The following DSCAM variants were observed in gnomAD, a reference collection of about 807,000 sequenced individuals.
DSCAM encodes DS cell adhesion molecule.
DSCAM carries 47 observed loss-of-function variants against 217.7 expected under a neutral mutation model. That is an observed-to-expected ratio of 0.22 (90% confidence interval 0.17 to 0.28). DSCAM has a LOEUF of 0.28. Among genes scored for constraint, DSCAM ranks in the 10% least tolerant of loss-of-function variants. The probability of loss-of-function intolerance (pLI) is 1.00; values close to 1 mark genes in which losing one functional copy is unlikely to be tolerated. For synonymous variants in DSCAM, 1,056 were observed against 1,015.3 expected, an observed-to-expected ratio of 1.04 and a Z score of -0.76; for missense variants, 2,080 against 2,618.3, an observed-to-expected ratio of 0.79 and a Z score of 4.49.
intron 3 of DSCAM, among the ~76,000 whole-genome samples, chr21:40,599,286 T>C (rs2077044942): frequency 6.6e-6 from 1 of 152,208 alleles, no homozygotes; most frequent in South Asian, 2.1e-4. Context: ...ACATGTACCA[T>C]GGTGGTTTGC....
chr21:40,452,931 T>C lies in DSCAM; in HGVS notation c.509-83686A>G, dbSNP rs138238113. ...AATTAGACATAATTAGGTAATTCCA[T>C]ATTAAGTTCAGAATGGCATTTAAAA... On this transcript the variant is annotated intron_variant, in intron 3 of 32. Coordinates refer to ENST00000400454, the MANE Select transcript of DSCAM (RefSeq NM_001389.5). Among the ~76,000 whole-genome samples, 482 of 152,276 alleles carry C rather than the reference T, an allele frequency of 3.2e-3. 1 individual carries two copies. Among genetic ancestry groups the C allele is most frequent in the Non-Finnish European group, 5.5e-3 (375 of 68,026 alleles).
At chr21:40,329,873 T>C (rs1440582568) in intron 8 of DSCAM, among the ~76,000 whole-genome samples, 3 of 151,988 alleles carry the variant, frequency 2.0e-5, no homozygotes, top group Non-Finnish European at 4.4e-5. Context: ...AGAATGGTGG[T>C]TCCCAAGGGC....
rs118122770 is a variant in DSCAM, at chr21:40,790,601, G to A, written c.43+56018C>T. 2.2e-3 allele frequency among the ~76,000 whole-genome samples: 335 copies of A among 152,248 alleles called. 10 individuals carry two copies. The East Asian group carries it at 0.059, about 27-fold the overall frequency. ...ATGGGATGAAGTTGTATAAATGATT[G>A]GTTGATTGACTTGTGGAGGGAGTAA... On this transcript the variant is annotated intron_variant, in intron 1 of 32. Coordinates refer to ENST00000400454, the MANE Select transcript of DSCAM (RefSeq NM_001389.5).
intron 32 of DSCAM, among the ~76,000 whole-genome samples, chr21:40,027,406 G>A (rs1049672815): frequency 1.3e-5 from 2 of 151,828 alleles, no homozygotes; most frequent in Non-Finnish European, 2.9e-5. Flanking sequence ...TGTATTTCCT[G>A]AATCTGAACT....
At chr21:40,436,306 T>C (rs1190119394) in intron 3 of DSCAM, among the ~76,000 whole-genome samples, 1 of 152,198 alleles carries the variant, frequency 6.6e-6, no homozygotes, top group African/African-American at 2.4e-5. Context: ...ATGGAAAAAT[T>C]TCCCCCTGAG....
intron 3 of DSCAM, among the ~76,000 whole-genome samples, chr21:40,544,739 A>T (rs1450656725): frequency 1.3e-5 from 2 of 152,158 alleles, no homozygotes; most frequent in African/African-American, 4.8e-5. Flanking sequence ...ATGTGTTATG[A>T]CAACCCTAGG....
intron 3 of DSCAM, among the ~76,000 whole-genome samples, chr21:40,510,602 A>G (rs941133260): frequency 6.6e-6 from 1 of 152,214 alleles, no homozygotes; most frequent in Non-Finnish European, 1.5e-5. Flanking sequence ...GAAGGCCTCT[A>G]TAAGAAAGTT....
chr21:40,622,197 T>C lies in DSCAM; in HGVS notation c.508+70613A>G, dbSNP rs568999639. On this transcript the variant is annotated intron_variant, in intron 3 of 32. Coordinates refer to ENST00000400454, the MANE Select transcript of DSCAM (RefSeq NM_001389.5). ...CCTCCTATTTTCTTACCCCTTGACC[T>C]TCACCTGACCCCTGAAGTCAACGTA... Among the ~76,000 whole-genome samples, 31 of 152,206 alleles carry C rather than the reference T, an allele frequency of 2.0e-4. 1 individual carries two copies. The highest frequency in any genetic ancestry group is 7.2e-4 in the African/African-American group (30 of 41,538).
At chr21:40,806,127 T>C (rs2091784820) in intron 1 of DSCAM, among the ~76,000 whole-genome samples, 1 of 152,196 alleles carries the variant, frequency 6.6e-6, no homozygotes. Context: ...CAGCACATCA[T>C]GATTTACTAT....
intron 14 of DSCAM, among the ~76,000 whole-genome samples, chr21:40,181,005 G>A (rs2090793862): frequency 1.3e-5 from 2 of 152,008 alleles, no homozygotes; most frequent in Non-Finnish European, 1.5e-5. Flanking sequence ...CTGATGCTGC[G>A]TTTGCACCCT....
intron 1 of DSCAM, among the ~76,000 whole-genome samples, chr21:40,826,203 G>GT (rs780603086): frequency 3.5e-4 from 54 of 152,366 alleles, no homozygotes; most frequent in Non-Finnish European, 7.2e-4. Context: ...CCTCTCTTAG[G>GT]TGGTGATATT....
At chr21:40,799,327 C>CGT (rs2091718663) in intron 1 of DSCAM, among the ~76,000 whole-genome samples, 3 of 152,050 alleles carry the variant, frequency 2.0e-5, no homozygotes, top group Non-Finnish European at 4.4e-5. Context: ...TTATTGCTGA[C>CGT]ATTACCTTCC....
At chr21:40,091,978 CACTG>C (rs1221201956) in intron 21 of DSCAM, among the ~76,000 whole-genome samples, 3 of 152,166 alleles carry the variant, frequency 2.0e-5, no homozygotes, top group Non-Finnish European at 4.4e-5. Context: ...CAAACCATAT[CACTG>C]ACTGGCTCCC....
At chr21:40,158,168 G>A (rs964941131) in intron 16 of DSCAM, among the ~76,000 whole-genome samples, 2 of 152,242 alleles carry the variant, frequency 1.3e-5, no homozygotes, top group Middle Eastern at 3.4e-3. Flanking sequence ...GAGGACCGCT[G>A]CAGGTCAGGA....
At chr21:40,584,232 C>T (rs1399463319) in intron 3 of DSCAM, among the ~76,000 whole-genome samples, 1 of 152,216 alleles carries the variant, frequency 6.6e-6, no homozygotes, top group African/African-American at 2.4e-5. Context: ...GCATAGCTCA[C>T]CTGAAGCACC....
rs41468447 is a variant in DSCAM at position 40,013,063 on chromosome 21, G to A, written c.6010C>T (p.Pro2004Ser). 3 of 1,548,868 alleles carry A rather than the reference G, an allele frequency of 1.9e-6. No homozygotes were observed. Among genetic ancestry groups the A allele is most frequent in the Non-Finnish European group, 2.6e-6 (3 of 1,144,818 alleles). ...ACCAGGGTGTAAGATTTTGCGTAAG[G>A]ATTGTTTCCTTTCAAATGGCCCCGG... ...DSRGHLKGNN[P>S]YAKSYTLV is the part of the protein sequence containing the mutation. The change falls in exon 33 of 33, where the codon CCT (proline) becomes TCT (serine). Residue 2004 changes from proline (P) to serine (S), a missense_variant. By Grantham distance (74) the Pro-to-Ser change is moderately conservative (BLOSUM62 -1). Around this residue, in one of 5 missense-constraint regions of DSCAM, gnomAD observed 5 missense variants for 16.5 expected, o/e 0.30. Coordinates refer to ENST00000400454, the MANE Select transcript of DSCAM (RefSeq NM_001389.5).
At chr21:40,398,243 G>C (rs935726992) in intron 3 of DSCAM, among the ~76,000 whole-genome samples, 1 of 152,134 alleles carries the variant, frequency 6.6e-6, no homozygotes, top group Admixed American at 6.5e-5. Context: ...AATGTTAATG[G>C]TTCCTCAGTT....
chr21:40,602,677 T>C (rs1038118604), intron 3 of DSCAM, among the ~76,000 whole-genome samples: 7 of 152,174 alleles, frequency 4.6e-5, no homozygotes, highest in Non-Finnish European at 8.8e-5. Context: ...GCATTCCTGA[T>C]GAGTTCTCTT....
chr21:40,096,366 T>C lies in DSCAM; in HGVS notation c.3697-2492A>G, dbSNP rs951725114. On this transcript the variant is annotated intron_variant, in intron 20 of 32. Transcript: ENST00000400454. Reference sequence around the variant, plus strand: ...CTGTGCTCGGACCACCTTGAGCACATACTGTCAGGACCTCCTAAGGCTGTG... The same window carrying C: ...CTGTGCTCGGACCACCTTGAGCACACACTGTCAGGACCTCCTAAGGCTGTG... 2.0e-5 allele frequency among the ~76,000 whole-genome samples: 3 copies of C among 152,308 alleles called. No individual in the cohort carries two copies. In the East Asian group the frequency reaches 5.8e-4, roughly 29 times the overall value.
Sources: allele counts gnomAD v4.1 joint callset (sites outside exome capture counted in the v4.1 genomes callset), GRCh38; gene constraint gnomAD v4.1.1; regional missense constraint gnomAD v4.1.1; transcripts MANE v1.5; gene names NCBI Gene and HGNC (gene_info 2026-07-23, HGNC 2026-07-21).